The following TANC2 variants were observed in gnomAD, a reference collection of about 807,000 sequenced individuals.
TANC2 encodes protein TANC2.
Under a neutral mutation model 210.5 loss-of-function variants are expected in TANC2, and 26 were observed. The ratio of observed to expected loss-of-function variants is 0.12; its 90% CI spans 0.09 to 0.17. TANC2 has a LOEUF of 0.17. Ranked by LOEUF, TANC2 falls within the 10% of genes least tolerant of loss-of-function variation. The probability of loss-of-function intolerance (pLI) is 1.00; values close to 1 mark genes in which losing one functional copy is unlikely to be tolerated. For missense variants in TANC2, 2,129 were observed against 2,608.9 expected (o/e 0.82, Z 4.01); for synonymous variants, 931 against 967.1 (o/e 0.96, Z 0.69).
At chr17:63,024,864 A>G (rs974704296) in intron 2 of TANC2, among the ~76,000 whole-genome samples, 3 of 152,194 alleles carry the variant, frequency 2.0e-5, no homozygotes, top group African/African-American at 7.2e-5. Flanking sequence ...TTAAGTCTAA[A>G]CTGAGACCTG....
At chr17:63,346,438 A>G (rs1449627350) in intron 12 of TANC2, among the ~76,000 whole-genome samples, 2 of 152,220 alleles carry the variant, frequency 1.3e-5, no homozygotes, top group African/African-American at 4.8e-5. Flanking sequence ...TAAATGGACA[A>G]GCGATTTAGA....
At position 63,411,799 on chromosome 17, in the gene TANC2, C is replaced by G. The variant is rs1294562449; in HGVS notation, c.3765+113C>G. 7 of 1,431,428 alleles carry G rather than the reference C, an allele frequency of 4.9e-6. No homozygotes were observed. In the African/African-American group the frequency reaches 8.6e-5, roughly 18 times the overall value. 88.7% of individuals were successfully genotyped at this position (1,431,428 alleles called of 1,614,324 possible). A position where few individuals can be genotyped will look rare whatever the true frequency, so the allele number is the denominator to read the frequency against. On this transcript the variant is annotated intron_variant, in intron 22 of 27. Transcript: ENST00000689528. ...TTGATGATTCCTGATACAGAGCTCT[C>G]AGATCTATACTTGCTAGAGAGCAAG...
At chr17:63,110,067 T>G (rs2037976105) in intron 4 of TANC2, among the ~76,000 whole-genome samples, 1 of 151,684 alleles carries the variant, frequency 6.6e-6, no homozygotes, top group Admixed American at 6.5e-5. Flanking sequence ...GGGCATGAGA[T>G]TACTTTGAAA....
At chr17:63,316,942 TATAA>T (rs2045332257) in intron 10 of TANC2, among the ~76,000 whole-genome samples, 1 of 54,234 alleles carries the variant, frequency 1.8e-5, no homozygotes, top group South Asian at 6.0e-4. Context: ...TTTTACAGAA[TATAA>T]GTTATTAATA....
intron 10 of TANC2, among the ~76,000 whole-genome samples, chr17:63,317,728 G>A (rs1270790916): frequency 2.0e-5 from 3 of 152,188 alleles, no homozygotes; most frequent in Non-Finnish European, 4.4e-5. Flanking sequence ...AGTGTGCTAT[G>A]CACATTGACT....
At chr17:63,089,891 T>C (rs2144794283) in intron 3 of TANC2, among the ~76,000 whole-genome samples, 1 of 151,630 alleles carries the variant, frequency 6.6e-6, no homozygotes, top group East Asian at 2.0e-4. Context: ...TCACAAATCA[T>C]AAGTGTACAG....
At chr17:62,991,129 G>A (rs1019866570) in intron 1 of TANC2, among the ~76,000 whole-genome samples, 4 of 152,092 alleles carry the variant, frequency 2.6e-5, no homozygotes, top group African/African-American at 9.7e-5. Flanking sequence ...GAGCAAAGGG[G>A]CAAGGGAGTT....
chr17:62,994,888 T>C (rs1359013615), intron 1 of TANC2, among the ~76,000 whole-genome samples: 1 of 152,234 alleles, frequency 6.6e-6, no homozygotes, highest in Non-Finnish European at 1.5e-5. Context: ...ATTCTTCTCT[T>C]TGACATTTTG....
At chr17:63,283,279 G>A (rs1598769672) in intron 9 of TANC2, among the ~76,000 whole-genome samples, 1 of 151,796 alleles carries the variant, frequency 6.6e-6, no homozygotes, top group Non-Finnish European at 1.5e-5. Flanking sequence ...TTCATCCATA[G>A]ATATATAGTT....
intron 1 of TANC2, among the ~76,000 whole-genome samples, chr17:62,978,015 G>C (rs1261659536): frequency 2.0e-5 from 3 of 152,076 alleles, no homozygotes; most frequent in Admixed American, 6.6e-5. Flanking sequence ...CTTCAGTTCA[G>C]TAAATGGAAC....
chr17:63,394,937 A>T (rs750809000), intron 17 of TANC2, among the ~76,000 whole-genome samples: 1 of 152,196 alleles, frequency 6.6e-6, no homozygotes, highest in African/African-American at 2.4e-5. Context: ...AATATTCACT[A>T]TGTGGATGGC....
intron 4 of TANC2, among the ~76,000 whole-genome samples, chr17:63,127,960 T>C (rs1457572569): frequency 6.6e-6 from 1 of 152,236 alleles, no homozygotes; most frequent in African/African-American, 2.4e-5. Flanking sequence ...TACCTTCTAA[T>C]GCACCTGGGT....
chr17:63,299,987 A>G (rs1445666471), intron 9 of TANC2, among the ~76,000 whole-genome samples: 1 of 152,174 alleles, frequency 6.6e-6, no homozygotes, highest in Non-Finnish European at 1.5e-5. Flanking sequence ...GTCCAGTTTC[A>G]GTTTTCTGCA....
At chr17:62,996,996 G>GTTTTTTTTTTTTTTT (rs2033147712) in intron 1 of TANC2, among the ~76,000 whole-genome samples, 1 of 52,882 alleles carries the variant, frequency 1.9e-5, no homozygotes, top group African/African-American at 1.5e-4. Flanking sequence ...TGTATTTTTA[G>GTTTTTTTTTTTTTTT]TATAGATGGG....
At position 63,421,896 on chromosome 17, in the gene TANC2, C is replaced by T; in HGVS notation, c.6166C>T (p.Arg2056Trp). The T allele has an allele frequency of 1.9e-6, 3 of 1,613,980 alleles. No individual in the cohort carries two copies. Among genetic ancestry groups the T allele is most frequent in the East Asian group, 2.2e-5 (1 of 44,888 alleles). Residue 2056 changes from arginine to tryptophan, a missense_variant, in exon 28 of 28, where the codon CGG becomes TGG. Around this residue, in one of 5 missense-constraint regions of TANC2, gnomAD observed 161 missense variants for 178.6 expected, o/e 0.90. Coordinates refer to ENST00000689528, the Ensembl canonical transcript of TANC2. The surrounding 1 kb of genome is among the most constrained non-coding windows in gnomAD (Gnocchi z 6.9). ...GTACAGGCAGCTGTCCCGAGACTCTCGGCAAGGGCAGACATCCCCTATCAA... is the reference window on the plus strand; with the variant it reads ...GTACAGGCAGCTGTCCCGAGACTCTTGGCAAGGGCAGACATCCCCTATCAA...
intron 9 of TANC2, among the ~76,000 whole-genome samples, chr17:63,311,988 G>T (rs1391106591): frequency 6.6e-6 from 1 of 152,180 alleles, no homozygotes; most frequent in Non-Finnish European, 1.5e-5. Context: ...TGGGGGTGAT[G>T]AAGGTATTCG....
intron 4 of TANC2, chr17:63,130,878 A>T (rs1213020345): frequency 6.6e-6 from 1 of 152,240 alleles, no homozygotes. Flanking sequence ...ATATGCAAAG[A>T]CACCACTAAA....
At chr17:63,353,106 G>A (rs1167703903) in intron 13 of TANC2, among the ~76,000 whole-genome samples, 4 of 152,098 alleles carry the variant, frequency 2.6e-5, no homozygotes, top group Non-Finnish European at 4.4e-5. Context: ...TCAACTGGCC[G>A]TCTACATAAT....
At chr17:63,151,335 A>T in exon 5 of TANC2, 1 of 985,488 alleles carries the variant, frequency 1.0e-6, no homozygotes, top group Non-Finnish European at 1.2e-6. Flanking sequence ...TGGCTCACCA[A>T]CCCTCACTTC....
Sources: allele counts gnomAD v4.1 joint callset (sites outside exome capture counted in the v4.1 genomes callset), GRCh38; gene constraint gnomAD v4.1.1; regional missense constraint gnomAD v4.1.1; non-coding constraint Gnocchi (gnomAD v3.1); transcripts MANE v1.5; gene names NCBI Gene and HGNC (gene_info 2026-07-23, HGNC 2026-07-21).